BRINP3: variants seen among roughly 807,000 people sequenced by gnomAD.
BRINP3 encodes the protein BMP/retinoic acid-inducible neural-specific protein 3.
BRINP3 carries 19 observed loss-of-function variants against 71.0 expected under a neutral mutation model. The observed-to-expected ratio is 0.27, with a 90% CI of 0.19 to 0.39. The LOEUF is 0.39. Among genes scored for constraint, BRINP3 ranks in the 10% least tolerant of loss-of-function variants. The pLI is 1.00. For missense variants in BRINP3, 959 were observed against 940.8 expected, an observed-to-expected ratio of 1.02 and a Z score of -0.25; for synonymous variants, 380 against 337.7, an observed-to-expected ratio of 1.13 and a Z score of -1.37.
intron 6 of BRINP3, among the ~76,000 whole-genome samples, chr1:190,196,457 A>C (rs1354509512): frequency 6.6e-6 from 1 of 152,166 alleles, no homozygotes; most frequent in Non-Finnish European, 1.5e-5. Context: ...CCTCCAAAAA[A>C]CATTTAAACA....
chr1:190,152,707 A>T (rs889254104), intron 7 of BRINP3, among the ~76,000 whole-genome samples: 16 of 151,968 alleles, frequency 1.1e-4, no homozygotes, highest in Non-Finnish European at 1.0e-4. Context: ...TCTATGTCCT[A>T]ATCTTTCATC....
intron 5 of BRINP3, 35 bp from the exon 6 acceptor site, chr1:190,226,353 T>G: frequency 1.5e-6 from 2 of 1,293,390 alleles, no homozygotes; most frequent in Non-Finnish European, 1.1e-6. Flanking sequence ...ACAAATTTAC[T>G]TTGTTAAAGA....
intron 6 of BRINP3, among the ~76,000 whole-genome samples, chr1:190,176,057 C>A (rs1171786180): frequency 1.3e-5 from 2 of 152,112 alleles, no homozygotes; most frequent in Non-Finnish European, 2.9e-5. Flanking sequence ...CTTGTATTCA[C>A]CCTTTATTTT....
chr1:190,342,840 A>C (rs1472875542), intron 2 of BRINP3: 1 of 151,878 alleles, frequency 6.6e-6, no homozygotes, highest in East Asian at 1.9e-4. Context: ...ATGTTTAAAC[A>C]TATGAAGTAT....
rs138528535 is a variant in BRINP3 at position 190,278,984 on chromosome 1, G to C, written c.427+2576C>G. On this transcript the variant is annotated intron_variant, in intron 3 of 7. Coordinates refer to ENST00000367462, the MANE Select transcript of BRINP3 (RefSeq NM_199051.3). ...AATTTTGGAACTAAGGAACAAGAAT[G>C]TCTATGGAACCATTGGTGTTTTTGA... Among the ~76,000 whole-genome samples the C allele has an allele frequency of 6.0e-3, 912 of 151,836 alleles. 6 individuals are homozygous for C. Among genetic ancestry groups the C allele is most frequent in the Middle Eastern group, 0.017 (5 of 294 alleles).
intron 2 of BRINP3, among the ~76,000 whole-genome samples, chr1:190,348,586 C>T (rs1668173003): frequency 6.6e-6 from 1 of 152,132 alleles, no homozygotes; most frequent in Non-Finnish European, 1.5e-5. Flanking sequence ...AATCATTGCT[C>T]TGTTAACAAT....
At chr1:190,373,251 G>T (rs528280176) in intron 2 of BRINP3, among the ~76,000 whole-genome samples, 1 of 151,968 alleles carries the variant, frequency 6.6e-6, no homozygotes, top group Admixed American at 6.6e-5. Context: ...TTAGCCAGGC[G>T]TGGTGGTGCA....
chr1:190,200,391 C>G (rs530460481), intron 6 of BRINP3, among the ~76,000 whole-genome samples: 1 of 151,980 alleles, frequency 6.6e-6, no homozygotes, highest in South Asian at 2.1e-4. Flanking sequence ...AGAACATGAA[C>G]CAATAGATCT....
rs150551245 is a variant in BRINP3, at chr1:190,394,825, G to T, written c.236+59830C>A. On this transcript the variant is annotated intron_variant, in intron 2 of 7. Coordinates refer to ENST00000367462, the MANE Select transcript of BRINP3 (RefSeq NM_199051.3). ...CTCTATGGATATAACCTGAATTTTA[G>T]AATTAACTCTGGGGAGTACACAGTG... 3.0e-3 allele frequency among the ~76,000 whole-genome samples: 447 copies of T among 151,398 alleles called. 6 individuals carry two copies. Among genetic ancestry groups the T allele is most frequent in the Admixed American group, 0.021 (319 of 15,146 alleles).
intron 2 of BRINP3, among the ~76,000 whole-genome samples, chr1:190,418,297 C>T (rs1184996840): frequency 2.0e-5 from 3 of 152,068 alleles, no homozygotes; most frequent in African/African-American, 4.8e-5. Context: ...GCATTTTGTC[C>T]GCCTCAGCCT....
At chr1:190,438,601 C>T (rs2102545122) in intron 2 of BRINP3, among the ~76,000 whole-genome samples, 1 of 151,900 alleles carries the variant, frequency 6.6e-6, no homozygotes, top group African/African-American at 2.4e-5. Flanking sequence ...AATATTAAAG[C>T]CACTGGATAA....
At chr1:190,395,471 C>T (rs1027647091) in intron 2 of BRINP3, among the ~76,000 whole-genome samples, 2 of 151,680 alleles carry the variant, frequency 1.3e-5, no homozygotes, top group Non-Finnish European at 3.0e-5. Flanking sequence ...TAATGTATTT[C>T]AATGAAACAA....
chr1:190,391,026 G>A (rs1182794729), intron 2 of BRINP3, among the ~76,000 whole-genome samples: 1 of 151,812 alleles, frequency 6.6e-6, no homozygotes, highest in Non-Finnish European at 1.5e-5. Context: ...TGCTGAGCAG[G>A]AGGCATGAGA....
chr1:190,302,238 T>C (rs1264915099), intron 2 of BRINP3, among the ~76,000 whole-genome samples: 2 of 147,944 alleles, frequency 1.4e-5, no homozygotes, highest in East Asian at 1.9e-4. Flanking sequence ...AGTGTATATA[T>C]ATACATAAAT....
intron 7 of BRINP3, among the ~76,000 whole-genome samples, chr1:190,119,037 A>C (rs1653392865): frequency 6.6e-6 from 1 of 152,110 alleles, no homozygotes; most frequent in African/African-American, 2.4e-5. Flanking sequence ...AAACTTTTAA[A>C]GTCTGTCTAG....
intron 2 of BRINP3, among the ~76,000 whole-genome samples, chr1:190,352,851 C>T (rs1484171699): frequency 6.6e-6 from 1 of 151,090 alleles, no homozygotes; most frequent in Non-Finnish European, 1.5e-5. Context: ...CTCTCTCTCT[C>T]TCTCTCTCTG....
intron 6 of BRINP3, among the ~76,000 whole-genome samples, chr1:190,216,427 TAA>T (rs1198212654): frequency 6.6e-6 from 1 of 151,814 alleles, no homozygotes; most frequent in African/African-American, 2.4e-5. Context: ...TTAAACAACA[TAA>T]ATTTATTTTC....
chr1:190,226,700 T>C lies in BRINP3; in HGVS notation c.725-382A>G, dbSNP rs181251228. Among the ~76,000 whole-genome samples the C allele has an allele frequency of 3.1e-3, 476 of 152,142 alleles. 5 individuals carry two copies. The highest frequency in any genetic ancestry group is 0.011 in the African/African-American group (449 of 41,578). On this transcript the variant is annotated intron_variant, in intron 5 of 7. Transcript: ENST00000367462. ...CCAGTTGATTTCAAATGGTTTTCAA[T>C]ATTTTCATTTTGTTTGCAGACTATC...
chr1:190,328,501 A>C (rs1401471172), intron 2 of BRINP3, among the ~76,000 whole-genome samples: 1 of 152,030 alleles, frequency 6.6e-6, no homozygotes, highest in East Asian at 1.9e-4. Flanking sequence ...GAATGGAAAA[A>C]CTGAACAGAA....
Sources: allele counts gnomAD v4.1 joint callset (sites outside exome capture counted in the v4.1 genomes callset), GRCh38; gene constraint gnomAD v4.1.1; transcripts MANE v1.5; gene names NCBI Gene and HGNC (gene_info 2026-07-23, HGNC 2026-07-21).